The following NECAB1 variants were observed in gnomAD, a reference collection of about 807,000 sequenced individuals.
NECAB1 encodes the protein N-terminal EF-hand calcium-binding protein 1.
A neutral mutation model predicts 57.5 loss-of-function variants in NECAB1; 29 were observed. The observed-to-expected ratio is 0.50, with a 90% CI of 0.38 to 0.69. NECAB1 has a LOEUF of 0.69. Ranked by LOEUF, NECAB1 falls within the 30% of genes least tolerant of loss-of-function variation. The pLI is 0.00. For missense variants in NECAB1, 372 were observed against 413.8 expected (o/e 0.90, Z 0.88); for synonymous variants, 142 against 147.7 (o/e 0.96, Z 0.28).
intron 5 of NECAB1, among the ~76,000 whole-genome samples, chr8:90,901,776 T>C (rs1809509412): frequency 6.6e-6 from 1 of 152,166 alleles, no homozygotes; most frequent in African/African-American, 2.4e-5. Context: ...ATAGTATCGC[T>C]CTCTCACACT....
intron 5 of NECAB1, among the ~76,000 whole-genome samples, chr8:90,884,635 T>A (rs1191250179): frequency 1.3e-5 from 2 of 152,230 alleles, no homozygotes; most frequent in Admixed American, 6.5e-5. Context: ...TGCAATCCTT[T>A]ACGTATTCAA....
At chr8:90,947,503 C>T (rs186998962) in intron 10 of NECAB1, among the ~76,000 whole-genome samples, 1 of 151,152 alleles carries the variant, frequency 6.6e-6, no homozygotes, top group East Asian at 2.0e-4. Context: ...TGGGTTCAAG[C>T]GATTCTCCTG....
chr8:90,854,024 A>G (rs1255980574), intron 3 of NECAB1, among the ~76,000 whole-genome samples: 2 of 152,140 alleles, frequency 1.3e-5, no homozygotes, highest in African/African-American at 4.8e-5. Flanking sequence ...CACTGTCTAG[A>G]TGCTATTATC....
chr8:90,832,476 T>C (rs1191777804), intron 3 of NECAB1, among the ~76,000 whole-genome samples: 1 of 152,116 alleles, frequency 6.6e-6, no homozygotes, highest in Non-Finnish European at 1.5e-5. Flanking sequence ...TTAGTTATAA[T>C]TTTTTGGAAA....
chr8:90,828,593 T>C (rs192263776), intron 3 of NECAB1, among the ~76,000 whole-genome samples: 442 of 152,170 alleles, frequency 2.9e-3, no homozygotes, highest in Non-Finnish European at 3.8e-3. Context: ...GCAGCAACTT[T>C]AGAAGTGAAA....
At chr8:90,801,845 A>T in intron 2 of NECAB1, 130 bp downstream of exon 2, 1 of 580,858 alleles carries the variant, frequency 1.7e-6, no homozygotes, top group Non-Finnish European at 2.9e-6. Flanking sequence ...TGTACTAGTG[A>T]TCGTTTTAGA....
intron 3 of NECAB1, among the ~76,000 whole-genome samples, chr8:90,855,015 C>A (rs1812767213): frequency 6.6e-6 from 1 of 152,180 alleles, no homozygotes; most frequent in South Asian, 2.1e-4. Flanking sequence ...ATAGACAGTG[C>A]CCTTTGTCTC....
rs945754622 is a variant in NECAB1, at chr8:90,940,813, T to C, written c.775T>C (p.Ser259Pro). 5.1e-6 allele frequency: 8 copies of C among 1,562,722 alleles called. No homozygotes were observed. The African/African-American group carries it at 1.1e-4, about 21-fold the overall frequency. ...SHIMLVQRQMSVIEEDLEEFQ... is the reference protein window; with the variant it reads ...SHIMLVQRQMPVIEEDLEEFQ... ...CATCATGCTTGTGCAGCGGCAGATG[T>C]CTGTGATAGAAGAGGACCTGGAAGA... The change falls in exon 10 of 13, where the codon TCT becomes CCT. Residue 259 changes from serine to proline, a missense_variant. Coordinates refer to ENST00000417640, the MANE Select transcript of NECAB1 (RefSeq NM_022351.5).
chr8:90,922,907 T>C (rs1810161941), intron 6 of NECAB1, among the ~76,000 whole-genome samples: 1 of 152,048 alleles, frequency 6.6e-6, no homozygotes, highest in African/African-American at 2.4e-5. Flanking sequence ...AAACATGACA[T>C]AAAAGTACCT....
At position 90,916,368 on chromosome 8, in the gene NECAB1, T is replaced by A. The variant is rs1809952167; in HGVS notation, c.358-1124T>A. ...TTTTGAGTTGGAATGTATGCCAGAG[T>A]TACTTAGTGATTTATAAGTGGGAAA... On this transcript the variant is annotated intron_variant, in intron 5 of 12. Coordinates refer to ENST00000417640, the MANE Select transcript of NECAB1 (RefSeq NM_022351.5). Among the ~76,000 whole-genome samples, 4 of 152,156 alleles carry A rather than the reference T, an allele frequency of 2.6e-5. No individual in the cohort carries two copies. The South Asian group carries it at 8.3e-4, about 31-fold the overall frequency.
intron 5 of NECAB1, among the ~76,000 whole-genome samples, chr8:90,900,229 G>A (rs1305024626): frequency 6.6e-6 from 1 of 152,144 alleles, no homozygotes; most frequent in South Asian, 2.1e-4. Context: ...GAAATGTCAA[G>A]CTACACACAA....
intron 10 of NECAB1, among the ~76,000 whole-genome samples, chr8:90,941,528 A>G (rs1055522456): frequency 6.6e-6 from 1 of 152,182 alleles, no homozygotes; most frequent in Non-Finnish European, 1.5e-5. Context: ...AATAGTTACT[A>G]TAATAATTTT....
In NECAB1 at chr8:90,829,084, C is replaced by G. The variant is rs558489022; in HGVS notation, c.233+4259C>G. ...AATCATTGTAGTGAGCCTTATTGCA[C>G]CCTTTCCAGACTCATTAAAGATGTT... On this transcript the variant is annotated intron_variant, in intron 3 of 12. Coordinates refer to ENST00000417640, the MANE Select transcript of NECAB1 (RefSeq NM_022351.5). 7.2e-5 allele frequency among the ~76,000 whole-genome samples: 11 copies of G among 152,094 alleles called. No homozygotes were observed. The East Asian group carries it at 1.7e-3, about 24-fold the overall frequency.
chr8:90,909,238 G>T (rs1809768426), intron 5 of NECAB1, among the ~76,000 whole-genome samples: 1 of 152,056 alleles, frequency 6.6e-6, no homozygotes, highest in Non-Finnish European at 1.5e-5. Flanking sequence ...GCAAACTCCA[G>T]CCATTGGCCA....
intron 5 of NECAB1, among the ~76,000 whole-genome samples, chr8:90,882,161 T>C (rs1319770229): frequency 6.6e-6 from 1 of 152,122 alleles, no homozygotes; most frequent in African/African-American, 2.4e-5. Flanking sequence ...ATGCAGTCTT[T>C]CAAAAAGACC....
intron 3 of NECAB1, among the ~76,000 whole-genome samples, chr8:90,864,512 A>C (rs953157844): frequency 5.3e-5 from 8 of 152,100 alleles, no homozygotes; most frequent in Admixed American, 5.2e-4. Flanking sequence ...TCTCTGTTTA[A>C]GTCAGCCTCT....
chr8:90,896,712 A>G (rs2631012), intron 5 of NECAB1, among the ~76,000 whole-genome samples: 43,023 of 152,102 alleles, frequency 0.28, 6,870 homozygotes, highest in East Asian at 0.61. Flanking sequence ...TCGTAAAGCA[A>G]TCTTTTTCGA....
At chr8:90,862,408 C>G (rs1808419404) in intron 3 of NECAB1, among the ~76,000 whole-genome samples, 1 of 151,916 alleles carries the variant, frequency 6.6e-6, no homozygotes, top group Admixed American at 6.6e-5. Context: ...CATGTATTAC[C>G]CATTTAAACA....
At chr8:90,822,542 T>G (rs1052671914) in intron 2 of NECAB1, among the ~76,000 whole-genome samples, 2 of 151,858 alleles carry the variant, frequency 1.3e-5, no homozygotes, top group African/African-American at 4.8e-5. Flanking sequence ...AATAAGAGGA[T>G]TTTTTTCTAA....
Sources: gnomAD v4.1 joint callset for allele counts (sites outside exome capture counted in the v4.1 genomes callset) on GRCh38, gnomAD v4.1.1 for gene constraint, MANE v1.5 for transcripts, NCBI Gene and HGNC (gene_info 2026-07-23, HGNC 2026-07-21) for gene names.